Variants in CEP152 observed in about 807,000 individuals in gnomAD.
The protein encoded by CEP152 is centrosomal protein of 152 kDa.
CEP152 carries 132 observed loss-of-function variants against 188.9 expected under a neutral mutation model. That is an observed-to-expected ratio of 0.70 (90% CI 0.61 to 0.81). CEP152 has a LOEUF of 0.81. CEP152 is among the 30% of genes least tolerant of loss of function. The probability of loss-of-function intolerance (pLI) is 0.00; values close to 1 mark genes in which losing one functional copy is unlikely to be tolerated. For missense variants in CEP152, 1,914 were observed against 1,969.8 expected, an observed-to-expected ratio of 0.97 and a Z score of 0.54; for synonymous variants, 649 against 666.6, an observed-to-expected ratio of 0.97 and a Z score of 0.41.
chr15:48,805,531 G>C (rs1567036043), intron 2 of CEP152, 32 bp downstream of exon 2: 2 of 1,273,994 alleles, frequency 1.6e-6, no homozygotes, highest in African/African-American at 3.5e-5. Context: ...TGGGTTTAGT[G>C]TCTCTTTTTT....
intron 9 of CEP152, among the ~76,000 whole-genome samples, chr15:48,786,088 T>C (rs1024363457): frequency 6.6e-6 from 1 of 152,018 alleles, no homozygotes; most frequent in Non-Finnish European, 1.5e-5. Flanking sequence ...CCTTTAAATA[T>C]AACATTAAAG....
At chr15:48,739,440 T>C in intron 26 of CEP152, 152 bp from the exon 27 acceptor site, 3 of 1,234,386 alleles carry the variant, frequency 2.4e-6, no homozygotes, top group Non-Finnish European at 3.2e-6. Context: ...CTGTAATAAT[T>C]CTTAAAGAAA....
At chr15:48,761,960 C>T (rs922745914) in intron 18 of CEP152, among the ~76,000 whole-genome samples, 5 of 152,154 alleles carry the variant, frequency 3.3e-5, no homozygotes, top group Admixed American at 3.3e-4. Flanking sequence ...AAGGGCACGC[C>T]TGCAGATCCA....
At position 48,762,642 on chromosome 15, in the gene CEP152, T is replaced by C; in HGVS notation, c.2311A>G (p.Lys771Glu). ...TGATCCAGCTTAGACTGCCACTCCTTTTCAAGCTGTTGAATGAGTTTTTCT... is the reference window on the plus strand; with the variant it reads ...TGATCCAGCTTAGACTGCCACTCCTCTTCAAGCTGTTGAATGAGTTTTTCT... ...IKEKLIQQLE[K>E]EWQSKLDQTI... Residue 771 changes from lysine (K) to glutamate (E), a missense_variant, in exon 18 of 27, where the codon AAG becomes GAG. Transcript: ENST00000380950. 14 of 1,613,968 alleles carry C rather than the reference T, an allele frequency of 8.7e-6. No individual in the cohort carries two copies. Among genetic ancestry groups the C allele is most frequent in the Non-Finnish European group, 1.2e-5 (14 of 1,179,996 alleles).
chr15:48,732,581 T>C (rs1018043650), intron 2 of CEP152, among the ~76,000 whole-genome samples: 1 of 150,342 alleles, frequency 6.7e-6, no homozygotes, highest in African/African-American at 2.5e-5. Context: ...CTTAAGAGGA[T>C]GGGTCAATAG....
chr15:48,735,498 G>T (rs1892564397), downstream of CEP152, among the ~76,000 whole-genome samples: 1 of 152,180 alleles, frequency 6.6e-6, no homozygotes, highest in Non-Finnish European at 1.5e-5. Context: ...ACTTTGGGAG[G>T]CGGAGGTGGG....
intron 26 of CEP152, 139 bp downstream of exon 26, chr15:48,741,454 TGCGTAAAC>T: frequency 4.6e-6 from 7 of 1,519,228 alleles, no homozygotes; most frequent in Middle Eastern, 2.4e-4. Context: ...GTACTCTTTT[TGCGTAAAC>T]TTCTAGTTTA....
rs764191557 is a variant in CEP152, at chr15:48,797,913, G to T, written c.191+35C>A. 3.9e-6 allele frequency: 6 copies of T among 1,537,870 alleles called. No individual in the cohort carries two copies. In the African/African-American group the frequency reaches 5.5e-5, roughly 14 times the overall value. On this transcript the variant is annotated intron_variant, in intron 3 of 26. Transcript: ENST00000380950. ...TCAAAAGAAAAAGACTTATAGAATT[G>T]CAATATACAAGTGAAAGTGACTTCA... is the stretch of plus-strand genomic sequence containing the variant.
rs748501706 is a variant in CEP152, at chr15:48,767,222, A to G, written c.2148-30T>C. 4 of 1,613,710 alleles carry G rather than the reference A, an allele frequency of 2.5e-6. No individual in the cohort carries two copies. In the South Asian group the frequency reaches 4.4e-5, roughly 18 times the overall value. ...GATACACAAAACCAGCAACTAAATG[A>G]TTTAACCACAAAAAAATACAAGAGC... On this transcript the variant is annotated intron_variant, in intron 16 of 26. Coordinates refer to ENST00000380950, the MANE Select transcript of CEP152 (RefSeq NM_001194998.2).
chr15:48,765,617 T>C (rs1343054424), intron 17 of CEP152: 2 of 417,454 alleles, frequency 4.8e-6, no homozygotes, highest in Non-Finnish European at 9.2e-6. Flanking sequence ...TTGAGAAAAT[T>C]CCTCTTATGT....
Position 48,739,050 on chromosome 15 carries a change from C to A in CEP152, c.4332G>T (p.Gln1444His). The A allele has an allele frequency of 7.4e-6, 12 of 1,614,208 alleles. No individual in the cohort carries two copies. Among genetic ancestry groups the A allele is most frequent in the Non-Finnish European group, 1.0e-5 (12 of 1,180,014 alleles). ...GGTGCTTGCAACTACCATCCCCAAA[C>A]TGGAATTCCAAATGTGTCTCTTTGG... ...VGSKETHLEF[Q>H]FGDGSCKHLN... The change falls in exon 27 of 27, where the codon CAG becomes CAT. Residue 1444 changes from glutamine to histidine, a missense_variant. Gln to His is a conservative substitution (Grantham distance 24, BLOSUM62 0). Transcript: ENST00000380950.
At chr15:48,799,297 A>C (rs1222162920) in intron 2 of CEP152, among the ~76,000 whole-genome samples, 1 of 152,184 alleles carries the variant, frequency 6.6e-6, no homozygotes. Context: ...AAAGTTTCTT[A>C]AACAAAATAT....
Position 48,797,661 on chromosome 15 carries a change from A to AT in CEP152, c.260dup (p.Asn87LysfsTer4), listed in dbSNP as rs1476166939. The stretch of plus-strand genomic sequence containing the variant: ...AGTCATCATCACACCAGATACTTAC[A>AT]TTTACACTTTGAGATTTGGGCAGCA... On this transcript the variant is annotated frameshift_variant and splice_region_variant, in exon 4 of 27. Coordinates refer to ENST00000380950, the MANE Select transcript of CEP152 (RefSeq NM_001194998.2). LOFTEE classifies it high-confidence loss of function. 5.0e-6 allele frequency: 8 copies of AT among 1,614,016 alleles called. No individual in the cohort carries two copies. The South Asian group carries it at 8.8e-5, about 18-fold the overall frequency.
At chr15:48,753,769 AT>A (rs1388527422) in intron 20 of CEP152, among the ~76,000 whole-genome samples, 2 of 152,164 alleles carry the variant, frequency 1.3e-5, no homozygotes, top group Non-Finnish European at 2.9e-5. Context: ...ATTTTGTTCC[AT>A]TTGATATTTG....
chr15:48,767,251 A>G, intron 16 of CEP152, 59 bp from the exon 17 acceptor site: 1 of 1,613,862 alleles, frequency 6.2e-7, no homozygotes, highest in Non-Finnish European at 8.5e-7. Context: ...CAAGAGCTGC[A>G]TAACAAACAA....
Position 48,756,253 on chromosome 15 carries a change from C to G in CEP152, c.2995G>C (p.Glu999Gln). 6.2e-7 allele frequency: 1 copy of G among 1,602,478 alleles called. No homozygotes were observed. Among genetic ancestry groups the G allele is most frequent in the Non-Finnish European group, 8.5e-7 (1 of 1,174,166 alleles). ...TCAGTTTTTTGTTTCATAAAGTCTTCTTTAGCTGCCGCAAGCACCTCATTA... is the reference window on the plus strand; with the variant it reads ...TCAGTTTTTTGTTTCATAAAGTCTTGTTTAGCTGCCGCAAGCACCTCATTA... Reference protein sequence around the residue: ...KINEVLAAAKEDFMKQKTELL... With the variant: ...KINEVLAAAKQDFMKQKTELL... The change falls in exon 20 of 27, where the codon GAA becomes CAA. Residue 999 changes from glutamate (E) to glutamine (Q), a missense_variant. Transcript: ENST00000380950.
At chr15:48,807,594 C>G (rs1407206721) in intron 1 of CEP152, among the ~76,000 whole-genome samples, 1 of 151,106 alleles carries the variant, frequency 6.6e-6, no homozygotes, top group Non-Finnish European at 1.5e-5. Flanking sequence ...TGAAATTAAG[C>G]TGGACCTTAA....
In CEP152 at chr15:48,738,346, G is replaced by C; in HGVS notation, c.5036C>G (p.Pro1679Arg). Residue 1679 changes from proline (P) to arginine (R), a missense_variant, in exon 27 of 27, where the codon CCA becomes CGA. By Grantham distance (103) the Pro-to-Arg change is moderately radical. Coordinates refer to ENST00000380950, the MANE Select transcript of CEP152 (RefSeq NM_001194998.2). ...SDFKKLSSTL[P>R]SSVCQQPSRK... ...TGAAGGCTGCTGACACACTGAAGAT[G>C]GTAATGTACTGCTCAGTTTTTTGAA... 1 of 1,614,128 alleles carries C rather than the reference G, an allele frequency of 6.2e-7. No individual in the cohort carries two copies. The highest frequency in any genetic ancestry group is 1.3e-5 in the African/African-American group (1 of 75,052).
chr15:48,775,265 T>C (rs1002802448), intron 12 of CEP152, among the ~76,000 whole-genome samples: 8 of 151,832 alleles, frequency 5.3e-5, no homozygotes, highest in South Asian at 2.1e-4. Context: ...TTCACAAATT[T>C]GGTAAAAGAC....
Sources: allele counts gnomAD v4.1 joint callset (sites outside exome capture counted in the v4.1 genomes callset), GRCh38; gene constraint gnomAD v4.1.1; transcripts MANE v1.5; gene names NCBI Gene and HGNC (gene_info 2026-07-23, HGNC 2026-07-21).